Variants in SCP2 observed in about 807,000 individuals in gnomAD.
SCP2 encodes SCP-2/3-oxoacyl-CoA thiolase.
A neutral mutation model predicts 71.4 loss-of-function variants in SCP2; 48 were observed. That is an observed-to-expected ratio of 0.67 (90% CI 0.53 to 0.86). SCP2 has a LOEUF of 0.86. Among genes scored for constraint, SCP2 ranks in the 40% least tolerant of loss-of-function variants. The pLI, the probability that SCP2 is intolerant of heterozygous loss-of-function variation, is 0.00. For missense variants in SCP2, 560 were observed against 655.6 expected, an observed-to-expected ratio of 0.85 and a Z score of 1.59; for synonymous variants, 220 against 218.1, an observed-to-expected ratio of 1.01 and a Z score of -0.08.
chr1:53,037,879 T>TAAAC (rs1663074712), intron 13 of SCP2, among the ~76,000 whole-genome samples: 1 of 84,560 alleles, frequency 1.2e-5, no homozygotes, highest in Non-Finnish European at 2.3e-5. Context: ...TGTCTCTACA[T>TAAAC]ACACACACAC....
In SCP2 at chr1:53,032,703, A is replaced by G. The variant is rs1662639384; in HGVS notation, c.1338+4632A>G. On this transcript the variant is annotated intron_variant, in intron 13 of 15. Coordinates refer to ENST00000371514, the MANE Select transcript of SCP2 (RefSeq NM_002979.5). ...AGACTTCATCCTGTTGGCTGTGGGG[A>G]GCCACTAAGAAGTTCAAGCCTGAGA... 1.3e-5 allele frequency among the ~76,000 whole-genome samples: 2 copies of G among 152,200 alleles called. 1 individual carries two copies. Among genetic ancestry groups the G allele is most frequent in the Non-Finnish European group, 2.9e-5 (2 of 68,048 alleles).
At chr1:52,955,170 C>G (rs1655683847) in intron 5 of SCP2, among the ~76,000 whole-genome samples, 1 of 152,094 alleles carries the variant, frequency 6.6e-6, no homozygotes, top group Admixed American at 6.5e-5. Context: ...CTGATAACAA[C>G]TAAAATATTT....
At chr1:52,980,212 G>A (rs1225162341) in intron 9 of SCP2, among the ~76,000 whole-genome samples, 184 bp from the exon 10 acceptor site, 2 of 152,082 alleles carry the variant, frequency 1.3e-5, no homozygotes, top group African/African-American at 4.8e-5. Context: ...GGGCTCAAGC[G>A]ATCCTCCTGC....
intron 13 of SCP2, among the ~76,000 whole-genome samples, chr1:53,034,729 T>A (rs1336378473): frequency 6.6e-6 from 1 of 152,152 alleles, no homozygotes; most frequent in African/African-American, 2.4e-5. Context: ...TGTAAATTCC[T>A]CAGGGGCAGT....
intron 12 of SCP2, among the ~76,000 whole-genome samples, chr1:53,023,997 G>T (rs539380657): frequency 6.6e-6 from 1 of 151,958 alleles, no homozygotes; most frequent in Non-Finnish European, 1.5e-5. Flanking sequence ...CTCTTTCTTC[G>T]CTTGAGTCTC....
At chr1:52,927,787 G>A (rs1652614367) in intron 1 of SCP2, among the ~76,000 whole-genome samples, 2 of 152,126 alleles carry the variant, frequency 1.3e-5, no homozygotes, top group South Asian at 2.1e-4. Flanking sequence ...GGCAGGTCGC[G>A]AATGCCGCCT....
At chr1:53,036,742 T>C (rs966108275) in intron 13 of SCP2, among the ~76,000 whole-genome samples, 3 of 151,970 alleles carry the variant, frequency 2.0e-5, no homozygotes, top group Non-Finnish European at 4.4e-5. Context: ...TATTTTGTAA[T>C]CTACTTTTTC....
intron 13 of SCP2, among the ~76,000 whole-genome samples, chr1:53,037,965 ACAC>A (rs1663129869): frequency 2.4e-5 from 2 of 82,420 alleles, no homozygotes; most frequent in Non-Finnish European, 4.0e-5. Flanking sequence ...ACACACACAC[ACAC>A]ACACACACAC....
intron 12 of SCP2, among the ~76,000 whole-genome samples, chr1:53,024,245 C>G (rs1275125846): frequency 6.6e-6 from 1 of 151,986 alleles, no homozygotes; most frequent in Non-Finnish European, 1.5e-5. Context: ...CTAGAGGTAC[C>G]TAGAGTATTC....
At chr1:52,964,479 T>A (rs964154427) in intron 6 of SCP2, among the ~76,000 whole-genome samples, 2 of 151,748 alleles carry the variant, frequency 1.3e-5, no homozygotes, top group Non-Finnish European at 2.9e-5. Flanking sequence ...GGATTACAGG[T>A]GTGAGCCACC....
chr1:53,044,996 T>A, intron 14 of SCP2, among the ~76,000 whole-genome samples: 1 of 152,256 alleles, frequency 6.6e-6, no homozygotes, highest in Non-Finnish European at 1.5e-5. Flanking sequence ...AATTCCACTG[T>A]CCAGGTTAGG....
At chr1:52,935,321 C>A (rs1260118311) in intron 1 of SCP2, among the ~76,000 whole-genome samples, 3 of 151,956 alleles carry the variant, frequency 2.0e-5, no homozygotes, top group African/African-American at 7.2e-5. Flanking sequence ...GTGGCTCATG[C>A]CTGTAATCCC....
intron 10 of SCP2, among the ~76,000 whole-genome samples, chr1:52,986,872 T>G (rs978621999): frequency 2.4e-4 from 37 of 151,626 alleles, no homozygotes; most frequent in Non-Finnish European, 8.8e-5. Context: ...CCTGTATATT[T>G]TAAATAATCT....
intron 1 of SCP2, among the ~76,000 whole-genome samples, chr1:52,935,587 CAAAAA>C (rs35419796): frequency 9.2e-6 from 1 of 108,726 alleles, no homozygotes; most frequent in Non-Finnish European, 1.8e-5. Flanking sequence ...GAGACTCAGT[CAAAAA>C]AAAAAAAAAA....
chr1:52,947,241 TAAA>T (rs34249724), intron 2 of SCP2, among the ~76,000 whole-genome samples: 32 of 54,450 alleles, frequency 5.9e-4, no homozygotes, highest in Middle Eastern at 0.014. Flanking sequence ...ATGTTGTCCT[TAAA>T]AAAAAAAAAA....
At chr1:53,050,402 C>T in intron 15 of SCP2, 1 of 508,754 alleles carries the variant, frequency 2.0e-6, no homozygotes. Context: ...CTGCTCCTTT[C>T]TGCTGATCTG....
intron 13 of SCP2, among the ~76,000 whole-genome samples, chr1:53,029,273 T>G (rs1026997915): frequency 5.9e-5 from 9 of 151,910 alleles, no homozygotes; most frequent in African/African-American, 2.2e-4. Flanking sequence ...TCTGTTTTTT[T>G]TTTTTTTTGA....
intron 11 of SCP2, among the ~76,000 whole-genome samples, chr1:53,011,463 C>G (rs117472560): frequency 1.3e-5 from 2 of 152,126 alleles, no homozygotes; most frequent in Non-Finnish European, 2.9e-5. Flanking sequence ...GATACATGTT[C>G]GAATGGTTTA....
intron 13 of SCP2, among the ~76,000 whole-genome samples, chr1:53,029,326 T>C (rs1662360157): frequency 6.6e-6 from 1 of 150,894 alleles, no homozygotes; most frequent in African/African-American, 2.4e-5. Context: ...TGCAGTGGCA[T>C]GATCACGGCT....
Sources: allele counts gnomAD v4.1 joint callset (sites outside exome capture counted in the v4.1 genomes callset), GRCh38; gene constraint gnomAD v4.1.1; transcripts MANE v1.5; gene names NCBI Gene and HGNC (gene_info 2026-07-23, HGNC 2026-07-21).